Variants in PAPPA2 observed in about 807,000 individuals in gnomAD.
The protein encoded by PAPPA2 is pappalysin 2.
Under a neutral mutation model 176.4 loss-of-function variants are expected in PAPPA2, and 86 were observed. The ratio of observed to expected loss-of-function variants is 0.49; its 90% CI spans 0.41 to 0.58. The LOEUF (loss-of-function observed/expected upper bound fraction) is 0.58. Among genes scored for constraint, PAPPA2 ranks in the 20% least tolerant of loss-of-function variants. The pLI is 0.00. For synonymous variants in PAPPA2, 809 were observed against 852.2 expected (o/e 0.95, Z 0.88); for missense variants, 2,073 against 2,256.9 (o/e 0.92, Z 1.65).
At chr1:176,530,376 G>T (rs1392743543) in intron 1 of PAPPA2, among the ~76,000 whole-genome samples, 4 of 151,982 alleles carry the variant, frequency 2.6e-5, no homozygotes, top group Admixed American at 2.6e-4. Context: ...TTACTCAATG[G>T]GACAGGAACA....
intron 1 of PAPPA2, among the ~76,000 whole-genome samples, chr1:176,541,109 C>T (rs1650341707): frequency 6.6e-6 from 1 of 152,142 alleles, no homozygotes; most frequent in East Asian, 1.9e-4. Flanking sequence ...GGATAAGCTT[C>T]CTGGATGATA....
chr1:176,781,464 T>G (rs1664720323), intron 17 of PAPPA2, among the ~76,000 whole-genome samples: 1 of 137,892 alleles, frequency 7.3e-6, no homozygotes, highest in Admixed American at 7.7e-5. Context: ...TTTCTTATCC[T>G]GTAGAAAGGG....
At chr1:176,641,238 T>C (rs1348347330) in intron 3 of PAPPA2, among the ~76,000 whole-genome samples, 2 of 152,174 alleles carry the variant, frequency 1.3e-5, no homozygotes, top group South Asian at 2.1e-4. Context: ...CCATTGCTTT[T>C]GGTGTTTTAG....
At chr1:176,522,991 G>C (rs1466836459) in intron 1 of PAPPA2, among the ~76,000 whole-genome samples, 1 of 152,010 alleles carries the variant, frequency 6.6e-6, no homozygotes, top group Non-Finnish European at 1.5e-5. Context: ...TATTGTGCTG[G>C]ATTCATCAGG....
intron 2 of PAPPA2, among the ~76,000 whole-genome samples, chr1:176,578,608 A>G (rs1174807675): frequency 6.6e-6 from 1 of 152,230 alleles, no homozygotes; most frequent in East Asian, 1.9e-4. Context: ...CAGCAGTTCA[A>G]CAAGGCTCAG....
At chr1:176,725,981 C>T (rs939924286) in intron 12 of PAPPA2, among the ~76,000 whole-genome samples, 57 of 152,222 alleles carry the variant, frequency 3.7e-4, no homozygotes, top group Non-Finnish European at 7.2e-4. Flanking sequence ...GGAGTTTCAC[C>T]GTGTTAGCCA....
chr1:176,529,593 A>C (rs1024035446), intron 1 of PAPPA2, among the ~76,000 whole-genome samples: 27 of 152,200 alleles, frequency 1.8e-4, no homozygotes, highest in Non-Finnish European at 4.0e-4. Context: ...CTACTGCACA[A>C]GCTGGTGCTC....
chr1:176,555,000 T>TGA (rs59521055), intron 1 of PAPPA2, among the ~76,000 whole-genome samples: 37 of 145,680 alleles, frequency 2.5e-4, no homozygotes, highest in South Asian at 2.2e-3. Flanking sequence ...TGTGTGTGTG[T>TGA]GAGAGAGAGA....
At chr1:176,679,367 A>G (rs1302401903) in intron 4 of PAPPA2, among the ~76,000 whole-genome samples, 1 of 152,090 alleles carries the variant, frequency 6.6e-6, no homozygotes, top group Non-Finnish European at 1.5e-5. Flanking sequence ...ACTACTTAAC[A>G]GGTGTCTCAT....
At chr1:176,623,329 G>C (rs1349993232) in intron 3 of PAPPA2, among the ~76,000 whole-genome samples, 1 of 152,142 alleles carries the variant, frequency 6.6e-6, no homozygotes, top group Non-Finnish European at 1.5e-5. Context: ...TCAGAGAGGT[G>C]AAACATTCCA....
At chr1:176,655,729 G>C (rs1438015887) in intron 3 of PAPPA2, among the ~76,000 whole-genome samples, 1 of 151,722 alleles carries the variant, frequency 6.6e-6, no homozygotes, top group African/African-American at 2.4e-5. Context: ...TACTTAATGG[G>C]TACAGTGTAT....
chr1:176,480,834 A>G (rs943489595), intron 1 of PAPPA2, among the ~76,000 whole-genome samples: 12 of 151,422 alleles, frequency 7.9e-5, no homozygotes. Context: ...ACCTGGAATC[A>G]TAGACCAGAC....
At chr1:176,537,350 G>T (rs979647676) in intron 1 of PAPPA2, 2 of 152,190 alleles carry the variant, frequency 1.3e-5, no homozygotes, top group Admixed American at 6.5e-5. Context: ...GAAAGTGAAG[G>T]TACTGAAATG....
intron 14 of PAPPA2, among the ~76,000 whole-genome samples, chr1:176,764,747 C>A (rs1467574688): frequency 6.6e-6 from 1 of 152,192 alleles, no homozygotes; most frequent in Non-Finnish European, 1.5e-5. Flanking sequence ...CAGGTGCCTG[C>A]AACCACATCC....
intron 2 of PAPPA2, 127 bp from the exon 3 acceptor site, chr1:176,594,397 T>C (rs954321600): frequency 1.3e-6 from 1 of 765,954 alleles, no homozygotes; most frequent in African/African-American, 1.8e-5. Context: ...GAGAAATCTG[T>C]GTCGCTTACT....
At chr1:176,554,741 G>C (rs1651166128) in intron 1 of PAPPA2, among the ~76,000 whole-genome samples, 1 of 152,170 alleles carries the variant, frequency 6.6e-6, no homozygotes, top group African/African-American at 2.4e-5. Flanking sequence ...TATGTAGTAT[G>C]AATTCATGGC....
At chr1:176,661,290 C>T (rs1313089741) in intron 3 of PAPPA2, among the ~76,000 whole-genome samples, 1 of 151,912 alleles carries the variant, frequency 6.6e-6, no homozygotes, top group Non-Finnish European at 1.5e-5. Context: ...GGATTAAATA[C>T]AGGAATTGAG....
intron 1 of PAPPA2, among the ~76,000 whole-genome samples, chr1:176,520,886 A>G (rs749811095): frequency 4.6e-5 from 7 of 152,206 alleles, no homozygotes; most frequent in Non-Finnish European, 8.8e-5. Context: ...AGACTGAAGC[A>G]GGAGGATCAC....
intron 1 of PAPPA2, among the ~76,000 whole-genome samples, chr1:176,516,300 T>C (rs1277591768): frequency 6.6e-6 from 1 of 151,464 alleles, no homozygotes; most frequent in Non-Finnish European, 1.5e-5. Context: ...GTGACAGGCC[T>C]TCATATACCT....
Sources: allele counts gnomAD v4.1 joint callset (sites outside exome capture counted in the v4.1 genomes callset), GRCh38; gene constraint gnomAD v4.1.1; transcripts MANE v1.5; gene names NCBI Gene and HGNC (gene_info 2026-07-23, HGNC 2026-07-21).